Variants in RHOT2 observed in about 807,000 individuals in gnomAD.
RHOT2 encodes mitochondrial Rho GTPase 2.
In RHOT2, 90 loss-of-function variants were observed where a neutral mutation model predicts 81.6. That is an observed-to-expected ratio of 1.10 (90% confidence interval 0.93 to 1.31). RHOT2 has a LOEUF of 1.31. RHOT2 is among the 40% of genes most tolerant of loss of function. RHOT2 has a pLI of 0.00. For synonymous variants in RHOT2, 512 were observed against 370.9 expected, an observed-to-expected ratio of 1.38 and a Z score of -4.37; for missense variants, 1,014 against 841.9, an observed-to-expected ratio of 1.20 and a Z score of -2.53.
At chr16:672,466 T>C in intron 15 of RHOT2, 23 bp from the exon 16 acceptor site, 1 of 1,611,944 alleles carries the variant, frequency 6.2e-7, no homozygotes, top group Non-Finnish European at 8.5e-7. Flanking sequence ...AGCCAGCGAG[T>C]GTCAGGACTT....
chr16:672,525 A>G lies in RHOT2; in HGVS notation c.1363A>G (p.Ile455Val), dbSNP rs1417976077. Residue 455 changes from isoleucine to valine, a missense_variant, in exon 16 of 19, where the codon ATC becomes GTC. Ile to Val is a conservative substitution (Grantham distance 29, BLOSUM62 3). Transcript: ENST00000315082. ...GAGGGAGCAGCCTCCCGGCTACGCCATCGACACGGTGCAGGTCAATGGACA... is the reference window on the plus strand; with the variant it reads ...GAGGGAGCAGCCTCCCGGCTACGCCGTCGACACGGTGCAGGTCAATGGACA... ...DTREQPPGYA[I>V]DTVQVNGQEK... 6.2e-7 allele frequency: 1 copy of G among 1,612,618 alleles called. No individual in the cohort carries two copies. Among genetic ancestry groups the G allele is most frequent in the Admixed American group, 1.7e-5 (1 of 60,022 alleles).
In RHOT2 at chr16:670,093, C is replaced by T. The variant is rs3752488; in HGVS notation, c.277-30C>T. On this transcript the variant is annotated intron_variant, in intron 5 of 18. Transcript: ENST00000315082. The stretch of plus-strand genomic sequence containing the variant: ...TGGGAGCCATGTGCCCGCGGGCAGC[C>T]TCACTTCACAGCCAGGCTTTGCTTT... 8.3e-5 allele frequency: 127 copies of T among 1,537,944 alleles called. No individual in the cohort carries two copies. In the East Asian group the frequency reaches 2.8e-3, roughly 34 times the overall value.
chr16:672,195 C>G lies in RHOT2; in HGVS notation c.1195+14C>G, dbSNP rs761238943. 1 of 1,612,632 alleles carries G rather than the reference C, an allele frequency of 6.2e-7. No individual in the cohort carries two copies. The highest frequency in any genetic ancestry group is 8.5e-7 in the Non-Finnish European group (1 of 1,179,868). On this transcript the variant is annotated intron_variant, in intron 14 of 18. Coordinates refer to ENST00000315082, the MANE Select transcript of RHOT2 (RefSeq NM_138769.3). The stretch of plus-strand genomic sequence containing the variant: ...ATGCCATCACAGGTAGGCACCCACC[C>G]TCCCTGGGCCTGGGCCCAGTATCCT...
Position 672,722 on chromosome 16 carries a change from A to C in RHOT2, c.1424A>C (p.Asp475Ala). The C allele has an allele frequency of 6.2e-7, 1 of 1,612,406 alleles. No homozygotes were observed. Among genetic ancestry groups the C allele is most frequent in the Non-Finnish European group, 8.5e-7 (1 of 1,179,960 alleles). Reference sequence around the variant, plus strand: ...TCCCAGCTCTGTGAGGTGGGCACAGATGGTCTGCTGGCCACATCGCTGGAC... The same window carrying C: ...TCCCAGCTCTGTGAGGTGGGCACAGCTGGTCTGCTGGCCACATCGCTGGAC... ...KYLILCEVGT[D>A]GLLATSLDAT... The change falls in exon 17 of 19, where the codon GAT becomes GCT. Residue 475 changes from aspartate to alanine, a missense_variant. Transcript: ENST00000315082.
rs1231494515 is a variant in RHOT2 at position 672,912 on chromosome 16, C to T, written c.1528-16C>T. The stretch of plus-strand genomic sequence containing the variant: ...GCCACCCCAGGACTGTACCTCATAC[C>T]ACTCTCTGCCCACAGCACCATTACA... On this transcript the variant is annotated splice_polypyrimidine_tract_variant and intron_variant, in intron 17 of 18. Transcript: ENST00000315082. The T allele has an allele frequency of 1.2e-6, 2 of 1,612,636 alleles. No homozygotes were observed. Among genetic ancestry groups the T allele is most frequent in the Non-Finnish European group, 1.7e-6 (2 of 1,179,964 alleles).
chr16:670,057 C>T, intron 5 of RHOT2, 66 bp from the exon 6 acceptor site: 2 of 1,441,790 alleles, frequency 1.4e-6, no homozygotes, highest in Non-Finnish European at 9.4e-7. Flanking sequence ...CAGCCAGGCT[C>T]ATGCTCCAGC....
rs774145393 is a variant in RHOT2 at position 670,455 on chromosome 16, G to GT, written c.439dup (p.Cys147LeufsTer29). 6.2e-7 allele frequency: 1 copy of GT among 1,605,652 alleles called. No individual in the cohort carries two copies. Among genetic ancestry groups the GT allele is most frequent in the South Asian group, 1.1e-5 (1 of 90,088 alleles). On this transcript the variant is annotated frameshift_variant and splice_region_variant. Coordinates refer to ENST00000315082, the MANE Select transcript of RHOT2 (RefSeq NM_138769.3). LOFTEE classifies it high-confidence loss of function. ...CCCTGAGGCTGTTCCCACTTTCCCA[G>GT]TGTTCGGCCAAGAACCTGAGGAACA...
chr16:672,637 T>G, intron 16 of RHOT2, 66 bp from the exon 17 acceptor site: 1 of 1,609,424 alleles, frequency 6.2e-7, no homozygotes, highest in Non-Finnish European at 8.5e-7. Flanking sequence ...CTGGCAGATC[T>G]GGCCCAGCAT....
rs367702601 is a variant in RHOT2, at chr16:670,268, G to C, written c.349G>C (p.Gly117Arg). The C allele has an allele frequency of 1.8e-5, 29 of 1,612,570 alleles. No individual in the cohort carries two copies. Among genetic ancestry groups the C allele is most frequent in the Non-Finnish European group, 2.4e-5 (28 of 1,179,940 alleles). The change falls in exon 7 of 19, where the codon GGC (glycine) becomes CGC (arginine). Residue 117 changes from glycine to arginine, a missense_variant. By Grantham distance (125) the Gly-to-Arg change is moderately radical. Coordinates refer to ENST00000315082, the MANE Select transcript of RHOT2 (RefSeq NM_138769.3). ...ACCCAGGGTGCCCATCATCCTAGTG[G>C]GCAACAAGTCAGACCTGCGGTCGGG... ...QGPRVPIILV[G>R]NKSDLRSGSS...
chr16:670,857 C>T, intron 9 of RHOT2, 35 bp from the exon 10 acceptor site: 4 of 1,588,068 alleles, frequency 2.5e-6, no homozygotes, highest in African/African-American at 1.3e-5. Context: ...CTCCGGGTGG[C>T]TGGCTGACTC....
intron 8 of RHOT2, 40 bp from the exon 9 acceptor site, chr16:670,635 G>C: frequency 1.2e-6 from 2 of 1,605,998 alleles, no homozygotes; most frequent in Non-Finnish European, 1.7e-6. Flanking sequence ...TGGCAGGTCG[G>C]CGTGGGTCAC....
In RHOT2 at chr16:673,025, T is replaced by G. The variant is rs1308467461; in HGVS notation, c.1625T>G (p.Phe542Cys). 6.2e-7 allele frequency: 1 copy of G among 1,612,338 alleles called. No homozygotes were observed. Among genetic ancestry groups the G allele is most frequent in the South Asian group, 1.1e-5 (1 of 91,084 alleles). Reference sequence around the variant, plus strand: ...GTGTCTGGCCCATCACCGGCCGAGTTTTGCCGCAAGCACCGGCTACCCGCT... The same window carrying G: ...GTGTCTGGCCCATCACCGGCCGAGTGTTGCCGCAAGCACCGGCTACCCGCT... ...VAVSGPSPAE[F>C]CRKHRLPAPV... The change falls in exon 18 of 19, where the codon TTT becomes TGT. Residue 542 changes from phenylalanine (F) to cysteine (C), a missense_variant. Coordinates refer to ENST00000315082, the MANE Select transcript of RHOT2 (RefSeq NM_138769.3).
chr16:668,867 C>A, intron 4 of RHOT2, 168 bp downstream of exon 4: 1 of 642,756 alleles, frequency 1.6e-6, no homozygotes, highest in Non-Finnish European at 2.6e-6. Context: ...CCGCTGGGAG[C>A]CGGCACCGCT....
Position 670,259 on chromosome 16 carries a change from A to G in RHOT2, c.340A>G (p.Ile114Val). 1 of 1,612,584 alleles carries G rather than the reference A, an allele frequency of 6.2e-7. No homozygotes were observed. Among genetic ancestry groups the G allele is most frequent in the Non-Finnish European group, 8.5e-7 (1 of 1,179,886 alleles). ...GTTQGPRVPI[I>V]LVGNKSDLRS... ...GGGCCTTCAACCCAGGGTGCCCATC[A>G]TCCTAGTGGGCAACAAGTCAGACCT... Residue 114 changes from isoleucine (I) to valine (V), a missense_variant, in exon 7 of 19, where the codon ATC (isoleucine) becomes GTC (valine). Ile to Val is a conservative substitution (Grantham distance 29). Transcript: ENST00000315082.
chr16:673,342 C>A, intron 18 of RHOT2, 138 bp from the exon 19 acceptor site: 1 of 1,368,142 alleles, frequency 7.3e-7, no homozygotes, highest in Admixed American at 1.8e-5. Context: ...CCCTCCAGGG[C>A]CTGGCCTCCA....
chr16:671,113 A>C lies in RHOT2; in HGVS notation c.779A>C (p.Gln260Pro). ...GFLFLNTLFIQRGRHETTWTI... is the reference protein window; with the variant it reads ...GFLFLNTLFIPRGRHETTWTI... ...CTCTTCCTGAACACGCTCTTCATCC[A>C]GCGCGGCCGGCACGAGACCACCTGG... The change falls in exon 11 of 19, where the codon CAG becomes CCG. Residue 260 changes from glutamine to proline, a missense_variant. Coordinates refer to ENST00000315082, the MANE Select transcript of RHOT2 (RefSeq NM_138769.3). 4 of 1,608,576 alleles carry C rather than the reference A, an allele frequency of 2.5e-6. No individual in the cohort carries two copies. The highest frequency in any genetic ancestry group is 3.4e-6 in the Non-Finnish European group (4 of 1,179,442).
At chr16:671,564 G>C in intron 11 of RHOT2, 133 bp from the exon 12 acceptor site, 1 of 981,584 alleles carries the variant, frequency 1.0e-6, no homozygotes, top group Non-Finnish European at 1.5e-6. Flanking sequence ...CTGCAAGGTC[G>C]GGGGCGTACA....
intron 10 of RHOT2, 38 bp from the exon 11 acceptor site, chr16:671,045 G>T (rs777945775): frequency 6.2e-7 from 1 of 1,608,024 alleles, no homozygotes. Flanking sequence ...TGGGGAGGGG[G>T]CTGTGCCTGG....
At position 670,296 on chromosome 16, in the gene RHOT2, G is replaced by C. The variant is rs2038698842; in HGVS notation, c.377G>C (p.Ser126Thr). The change falls in exon 7 of 19, where the codon AGC becomes ACC. Residue 126 changes from serine to threonine, a missense_variant. Coordinates refer to ENST00000315082, the MANE Select transcript of RHOT2 (RefSeq NM_138769.3). ...VGNKSDLRSG[S>T]SMEAVLPIMS... ...AACAAGTCAGACCTGCGGTCGGGGA[G>C]CTCCATGGAGGCCGTGCTCCCCATC... is the stretch of plus-strand genomic sequence containing the variant. 4 of 1,612,806 alleles carry C rather than the reference G, an allele frequency of 2.5e-6. No homozygotes were observed. Among genetic ancestry groups the C allele is most frequent in the South Asian group, 1.1e-5 (1 of 91,086 alleles).
Sources: gnomAD v4.1 joint callset for allele counts on GRCh38, gnomAD v4.1.1 for gene constraint, MANE v1.5 for transcripts, NCBI Gene and HGNC (gene_info 2026-07-23, HGNC 2026-07-21) for gene names.